STXBP5L: variants seen among roughly 807,000 people sequenced by gnomAD.
STXBP5L encodes the protein syntaxin-binding protein 5-like.
Under a neutral mutation model 144.5 loss-of-function variants are expected in STXBP5L, and 65 were observed. The ratio of observed to expected loss-of-function variants is 0.45; its 90% CI spans 0.37 to 0.55. The LOEUF is 0.55. STXBP5L is among the 20% of genes least tolerant of loss of function. STXBP5L has a pLI of 0.00. For synonymous variants in STXBP5L, 505 were observed against 469.6 expected (o/e 1.08, Z -0.97); for missense variants, 1,298 against 1,405.5 (o/e 0.92, Z 1.22).
chr3:121,270,613 C>T (rs1011844642), intron 18 of STXBP5L, among the ~76,000 whole-genome samples: 34 of 151,972 alleles, frequency 2.2e-4, no homozygotes, highest in African/African-American at 7.7e-4. Flanking sequence ...CCACCACACC[C>T]AGCTAATTTT....
chr3:121,414,617 G>A (rs1238250923), intron 24 of STXBP5L, among the ~76,000 whole-genome samples: 1 of 152,214 alleles, frequency 6.6e-6, no homozygotes, highest in Non-Finnish European at 1.5e-5. Context: ...CATGAAAAAG[G>A]TAAGATACTT....
At chr3:121,326,709 G>A (rs1015559390) in intron 20 of STXBP5L, among the ~76,000 whole-genome samples, 2 of 151,920 alleles carry the variant, frequency 1.3e-5, no homozygotes, top group Non-Finnish European at 2.9e-5. Flanking sequence ...ACTTTAGCAG[G>A]TTTCTTACAC....
intron 3 of STXBP5L, among the ~76,000 whole-genome samples, chr3:121,032,378 A>T (rs1946432909): frequency 6.6e-6 from 1 of 152,114 alleles, no homozygotes; most frequent in African/African-American, 2.4e-5. Context: ...AAAGACTGAA[A>T]AGTGATCATT....
intron 11 of STXBP5L, among the ~76,000 whole-genome samples, chr3:121,230,928 T>C (rs543254403): frequency 6.6e-6 from 1 of 152,314 alleles, no homozygotes; most frequent in South Asian, 2.1e-4. Context: ...TGAAGAAGGT[T>C]AGCTCTAGAA....
intron 3 of STXBP5L, among the ~76,000 whole-genome samples, chr3:120,984,807 A>G (rs529173859): frequency 1.3e-5 from 2 of 151,988 alleles, no homozygotes; most frequent in South Asian, 2.1e-4. Context: ...GGTTATTCAC[A>G]TATAGCCTTT....
chr3:121,098,568 A>T (rs1225228331), intron 5 of STXBP5L, among the ~76,000 whole-genome samples: 1 of 152,228 alleles, frequency 6.6e-6, no homozygotes, highest in Non-Finnish European at 1.5e-5. Flanking sequence ...AACATCAGAC[A>T]TCACATTTCA....
intron 3 of STXBP5L, among the ~76,000 whole-genome samples, chr3:121,004,951 G>T (rs1944146284): frequency 6.6e-6 from 1 of 152,156 alleles, no homozygotes; most frequent in Admixed American, 6.5e-5. Context: ...TATTCGGTTT[G>T]CCAGTATTTT....
At chr3:120,958,452 CA>C (rs1182288542) in intron 3 of STXBP5L, among the ~76,000 whole-genome samples, 1 of 151,978 alleles carries the variant, frequency 6.6e-6, no homozygotes, top group Admixed American at 6.6e-5. Flanking sequence ...AGAGACACAA[CA>C]AAAAAATAGA....
intron 2 of STXBP5L, among the ~76,000 whole-genome samples, chr3:120,943,197 A>G (rs1710657069): frequency 6.6e-6 from 1 of 151,796 alleles, no homozygotes; most frequent in Non-Finnish European, 1.5e-5. Context: ...ACAGGAAAAA[A>G]TTAAGTAAAA....
At chr3:121,077,219 C>A (rs530107824) in intron 5 of STXBP5L, among the ~76,000 whole-genome samples, 2 of 152,292 alleles carry the variant, frequency 1.3e-5, no homozygotes, top group African/African-American at 4.8e-5. Flanking sequence ...AACAGAAAAT[C>A]TTCTGTCTCC....
Position 121,162,442 on chromosome 3 carries a change from C to T in STXBP5L, c.877+4815C>T, listed in dbSNP as rs902005798. Among the ~76,000 whole-genome samples the T allele has an allele frequency of 1.1e-4, 17 of 152,140 alleles. 3 individuals carry two copies. In the South Asian group the frequency reaches 2.3e-3, roughly 20 times the overall value. Reference sequence around the variant, plus strand: ...ACTCAAGGTGGATTAAAGACTTAAACGTAAGACCTAAAACCATAAAAACCC... The same window carrying T: ...ACTCAAGGTGGATTAAAGACTTAAATGTAAGACCTAAAACCATAAAAACCC... On this transcript the variant is annotated intron_variant, in intron 9 of 26. Coordinates refer to ENST00000471454, the MANE Select transcript of STXBP5L (RefSeq NM_001308330.2).
At chr3:121,339,122 A>G (rs901348695) in intron 20 of STXBP5L, among the ~76,000 whole-genome samples, 1 of 152,174 alleles carries the variant, frequency 6.6e-6, no homozygotes, top group East Asian at 1.9e-4. Flanking sequence ...AAAAAAACAC[A>G]AAATGACAGA....
intron 7 of STXBP5L, among the ~76,000 whole-genome samples, chr3:121,122,977 T>A (rs538438993): frequency 4.6e-5 from 7 of 151,646 alleles, no homozygotes; most frequent in Non-Finnish European, 1.0e-4. Flanking sequence ...TAATATCTAA[T>A]GACTAAATCA....
At chr3:121,205,664 A>C (rs1267651790) in intron 9 of STXBP5L, among the ~76,000 whole-genome samples, 1 of 152,198 alleles carries the variant, frequency 6.6e-6, no homozygotes, top group East Asian at 1.9e-4. Context: ...TTTATGTGTG[A>C]AGGATGTAAA....
intron 5 of STXBP5L, among the ~76,000 whole-genome samples, chr3:121,047,233 A>AT (rs969699507): frequency 7.9e-5 from 12 of 151,456 alleles, no homozygotes; most frequent in East Asian, 7.8e-4. Flanking sequence ...GTATGGTTTC[A>AT]TTTTTTTTAG....
rs1944050289 is a variant in STXBP5L at position 121,004,186 on chromosome 3, G to A, written c.288-37514G>A. Among the ~76,000 whole-genome samples the A allele has an allele frequency of 2.0e-5, 3 of 152,144 alleles. No homozygotes were observed. The South Asian group carries it at 6.2e-4, about 32-fold the overall frequency. Reference sequence around the variant, plus strand: ...ATTGATTCTTCCTACCCATGATCATGGAATGTTCTTCCATTTGTTTGTATC... The same window carrying A: ...ATTGATTCTTCCTACCCATGATCATAGAATGTTCTTCCATTTGTTTGTATC... On this transcript the variant is annotated intron_variant, in intron 3 of 26. Transcript: ENST00000471454.
intron 2 of STXBP5L, among the ~76,000 whole-genome samples, chr3:120,924,273 C>T (rs1382036226): frequency 1.3e-5 from 2 of 152,070 alleles, no homozygotes; most frequent in Non-Finnish European, 2.9e-5. Context: ...AGAGCAAAAA[C>T]AGTCAAATTC....
At chr3:121,251,711 G>C (rs778626829) in intron 15 of STXBP5L, among the ~76,000 whole-genome samples, 5 of 152,178 alleles carry the variant, frequency 3.3e-5, no homozygotes, top group Non-Finnish European at 7.3e-5. Flanking sequence ...GCATAAAAGT[G>C]ATGTTTGAAG....
intron 5 of STXBP5L, among the ~76,000 whole-genome samples, chr3:121,066,415 G>A (rs1358101243): frequency 1.3e-5 from 2 of 150,460 alleles, no homozygotes; most frequent in African/African-American, 4.9e-5. Context: ...TTTAAATCAT[G>A]AATGGGTGTT....
Sources: gnomAD v4.1 joint callset for allele counts (sites outside exome capture counted in the v4.1 genomes callset) on GRCh38, gnomAD v4.1.1 for gene constraint, MANE v1.5 for transcripts, NCBI Gene and HGNC (gene_info 2026-07-23, HGNC 2026-07-21) for gene names.